LSAMP: variants seen among roughly 807,000 people sequenced by gnomAD.
LSAMP encodes limbic system associated membrane protein, also known as limbic system-associated membrane protein.
In LSAMP, 7 loss-of-function variants were observed where a neutral mutation model predicts 38.6. That is an observed-to-expected ratio of 0.18 (90% CI 0.10 to 0.34). LSAMP has a LOEUF of 0.34. Ranked by LOEUF, LSAMP falls within the 10% of genes least tolerant of loss-of-function variation. The pLI is 1.00. For synonymous variants in LSAMP, 154 were observed against 166.8 expected (o/e 0.92, Z 0.59); for missense variants, 313 against 420.0 (o/e 0.75, Z 2.23).
chr3:116,193,552 A>C (rs563160766), intron 1 of LSAMP, among the ~76,000 whole-genome samples: 3 of 152,366 alleles, frequency 2.0e-5, no homozygotes, highest in African/African-American at 7.2e-5. Context: ...CAACAAAAAA[A>C]GTATATTTAC....
intron 1 of LSAMP, among the ~76,000 whole-genome samples, chr3:116,254,230 T>C (rs1398108432): frequency 6.6e-6 from 1 of 152,174 alleles, no homozygotes; most frequent in South Asian, 2.1e-4. Flanking sequence ...TTTATAACTA[T>C]TAGTCTGTCC....
At chr3:116,292,461 G>T (rs2047280277) in intron 1 of LSAMP, among the ~76,000 whole-genome samples, 2 of 152,052 alleles carry the variant, frequency 1.3e-5, no homozygotes. Context: ...AATACCACTA[G>T]GAAACAGAAA....
intron 3 of LSAMP, among the ~76,000 whole-genome samples, chr3:115,969,610 T>C (rs1389313270): frequency 6.6e-6 from 1 of 152,230 alleles, no homozygotes; most frequent in Non-Finnish European, 1.5e-5. Context: ...CCACTGCTAC[T>C]ACCTTCACCA....
At chr3:116,229,670 C>G (rs569526548) in intron 1 of LSAMP, among the ~76,000 whole-genome samples, 1 of 152,026 alleles carries the variant, frequency 6.6e-6, no homozygotes, top group South Asian at 2.1e-4. Flanking sequence ...TTAAAAGTAC[C>G]ATTTGTATTT....
At chr3:115,935,039 CAAACAA>C (rs1307706291) in intron 3 of LSAMP, among the ~76,000 whole-genome samples, 6 of 147,540 alleles carry the variant, frequency 4.1e-5, no homozygotes, top group Admixed American at 6.7e-5. Context: ...TATAAACAAA[CAAACAA>C]AAACAAAAAC....
At chr3:115,922,361 A>G (rs1937402683) in intron 3 of LSAMP, among the ~76,000 whole-genome samples, 1 of 152,000 alleles carries the variant, frequency 6.6e-6, no homozygotes, top group South Asian at 2.1e-4. Flanking sequence ...TCTACTATTG[A>G]CTATCTCTAA....
Position 115,803,834 on chromosome 3 carries a change from C to A in LSAMP, c.*6483G>T, listed in dbSNP as rs1577023401. 6.6e-6 allele frequency: 1 copy of A among 152,162 alleles called. No individual in the cohort carries two copies. Among genetic ancestry groups the A allele is most frequent in the East Asian group, 1.9e-4 (1 of 5,192 alleles). 9.4% of individuals were successfully genotyped at this position (152,162 alleles called of 1,614,324 possible). On this transcript the variant is annotated 3_prime_UTR_variant, in exon 7 of 7. Transcript: ENST00000490035. ...CCTGGGACCCCATGCTTACCGCCAT[C>A]AGCACAAGCAAAGAGTTTCCAAAGA...
At chr3:116,120,257 ATGGTGG>A (rs1476231089) in intron 1 of LSAMP, among the ~76,000 whole-genome samples, 1 of 152,224 alleles carries the variant, frequency 6.6e-6, no homozygotes, top group Non-Finnish European at 1.5e-5. Flanking sequence ...CAGGGAAATG[ATGGTGG>A]TGGTGGGAGG....
At chr3:116,335,172 G>A (rs1329130155) in intron 1 of LSAMP, among the ~76,000 whole-genome samples, 1 of 151,922 alleles carries the variant, frequency 6.6e-6, no homozygotes, top group East Asian at 1.9e-4. Flanking sequence ...GTCAGTCAAA[G>A]AATATATGAT....
At chr3:116,417,191 T>C (rs749161608) in intron 1 of LSAMP, among the ~76,000 whole-genome samples, 3 of 152,230 alleles carry the variant, frequency 2.0e-5, no homozygotes, top group African/African-American at 7.2e-5. Context: ...AAGACATCTT[T>C]ATCCTGAGCA....
chr3:115,931,971 G>C (rs765199424), intron 3 of LSAMP, among the ~76,000 whole-genome samples: 10 of 152,102 alleles, frequency 6.6e-5, no homozygotes, highest in Non-Finnish European at 1.5e-4. Context: ...GGCGATGTGG[G>C]GGATTCAAAG....
chr3:116,116,193 C>T (rs1012473351), intron 1 of LSAMP, among the ~76,000 whole-genome samples: 18 of 149,892 alleles, frequency 1.2e-4, no homozygotes, highest in Non-Finnish European at 4.4e-5. Flanking sequence ...TTTTTTATTA[C>T]TACCGTCATG....
At chr3:116,052,101 A>C (rs1193987490) in intron 2 of LSAMP, among the ~76,000 whole-genome samples, 1 of 152,218 alleles carries the variant, frequency 6.6e-6, no homozygotes, top group Non-Finnish European at 1.5e-5. Context: ...CCAGTGATCC[A>C]AGTACTTCAG....
chr3:116,443,617 G>C lies in LSAMP; in HGVS notation c.155+1260C>G, dbSNP rs2049465926. Among the ~76,000 whole-genome samples, 3 of 152,176 alleles carry C rather than the reference G, an allele frequency of 2.0e-5. 1 individual carries two copies. In the South Asian group the frequency reaches 6.2e-4, roughly 32 times the overall value. Reference sequence around the variant, plus strand: ...TGCTGCTGTCGGCAGCTCTGCTAGAGAACTGCTCCCTGATGCCCCAGGGTT... The same window carrying C: ...TGCTGCTGTCGGCAGCTCTGCTAGACAACTGCTCCCTGATGCCCCAGGGTT... On this transcript the variant is annotated intron_variant, in intron 1 of 6. Transcript: ENST00000490035.
chr3:116,270,172 C>A (rs375053992), intron 1 of LSAMP, among the ~76,000 whole-genome samples: 1 of 152,192 alleles, frequency 6.6e-6, no homozygotes, highest in African/African-American at 2.4e-5. Context: ...TTATATGAAA[C>A]ATGTCCTAAT....
At chr3:116,138,999 T>C (rs1709314037) in intron 1 of LSAMP, among the ~76,000 whole-genome samples, 1 of 151,734 alleles carries the variant, frequency 6.6e-6, no homozygotes, top group Non-Finnish European at 1.5e-5. Context: ...ACATTGAGCA[T>C]TATATACATA....
intron 6 of LSAMP, among the ~76,000 whole-genome samples, chr3:115,823,983 C>T (rs756511369): frequency 2.0e-5 from 3 of 152,182 alleles, no homozygotes; most frequent in African/African-American, 4.8e-5. Context: ...CGGATTGTTA[C>T]AGAAAGAGCA....
At chr3:115,855,487 C>A (rs1935477190) in intron 3 of LSAMP, among the ~76,000 whole-genome samples, 1 of 152,162 alleles carries the variant, frequency 6.6e-6, no homozygotes, top group African/African-American at 2.4e-5. Context: ...ACATGGGAGG[C>A]AGAGACATCA....
At chr3:116,413,371 C>A (rs185070437) in intron 1 of LSAMP, among the ~76,000 whole-genome samples, 1 of 152,076 alleles carries the variant, frequency 6.6e-6, no homozygotes, top group East Asian at 1.9e-4. Context: ...AACCAAATAA[C>A]ACTTTCTCAT....
Sources: allele counts gnomAD v4.1 joint callset (sites outside exome capture counted in the v4.1 genomes callset), GRCh38; gene constraint gnomAD v4.1.1; transcripts MANE v1.5; gene names NCBI Gene and HGNC (gene_info 2026-07-23, HGNC 2026-07-21).